TAOK3: variants seen among roughly 807,000 people sequenced by gnomAD.
TAOK3 encodes the protein serine/threonine-protein kinase TAO3.
In TAOK3, 40 loss-of-function variants were observed where a neutral mutation model predicts 120.4. That is an observed-to-expected ratio of 0.33 (90% CI 0.26 to 0.43). TAOK3 has a LOEUF of 0.43. Among genes scored for constraint, TAOK3 ranks in the 20% least tolerant of loss-of-function variants. TAOK3 has a pLI of 1.00. For missense variants in TAOK3, 821 were observed against 1,112.1 expected (o/e 0.74, Z 3.72); for synonymous variants, 355 against 387.5 (o/e 0.92, Z 0.99).
At chr12:118,249,813 C>T (rs2040671744) in intron 3 of TAOK3, among the ~76,000 whole-genome samples, 1 of 152,084 alleles carries the variant, frequency 6.6e-6, no homozygotes, top group African/African-American at 2.4e-5. Context: ...GCTTGGGTGA[C>T]AGAGTGAGAG....
chr12:118,279,843 G>A (rs1010744616), intron 1 of TAOK3, among the ~76,000 whole-genome samples: 3 of 149,882 alleles, frequency 2.0e-5, no homozygotes, highest in African/African-American at 7.4e-5. Flanking sequence ...TCCGCTTACT[G>A]CAATCTCCGT....
rs540082373 is a variant in TAOK3, at chr12:118,307,475, C to A, written c.-193-40716G>T. Among the ~76,000 whole-genome samples the A allele has an allele frequency of 7.7e-4, 118 of 152,268 alleles. 1 individual carries two copies. The highest frequency in any genetic ancestry group is 2.6e-3 in the African/African-American group (108 of 41,552). On this transcript the variant is annotated intron_variant, in intron 1 of 20. Coordinates refer to ENST00000392533, the MANE Select transcript of TAOK3 (RefSeq NM_016281.4). ...CACATTTAGTTAGTTTCTTGACCTGCTGCCTTTGTTTTAAACAGGAATGAA... is the reference window on the plus strand; with the variant it reads ...CACATTTAGTTAGTTTCTTGACCTGATGCCTTTGTTTTAAACAGGAATGAA...
chr12:118,244,165 C>G (rs909295742), intron 4 of TAOK3, among the ~76,000 whole-genome samples: 18 of 152,290 alleles, frequency 1.2e-4, no homozygotes, highest in Non-Finnish European at 2.4e-4. Flanking sequence ...CAGGCTCAAG[C>G]AATCTTCCCA....
intron 1 of TAOK3, among the ~76,000 whole-genome samples, chr12:118,304,459 C>T (rs1293570285): frequency 6.6e-6 from 1 of 152,180 alleles, no homozygotes; most frequent in African/African-American, 2.4e-5. Context: ...ATTACCTCTT[C>T]CTAGACTTCT....
chr12:118,201,807 C>T (rs1279339588), intron 11 of TAOK3, among the ~76,000 whole-genome samples: 2 of 151,982 alleles, frequency 1.3e-5, no homozygotes, highest in Admixed American at 6.6e-5. Flanking sequence ...CATATAGTTA[C>T]TTCTTGGTGG....
At chr12:118,217,809 GTGTATACA>G (rs1256501959) in intron 9 of TAOK3, among the ~76,000 whole-genome samples, 1 of 76,294 alleles carries the variant, frequency 1.3e-5, no homozygotes, top group African/African-American at 5.6e-5. Context: ...GTGTGTGTGT[GTGTATACA>G]TATATATATA....
intron 9 of TAOK3, among the ~76,000 whole-genome samples, chr12:118,230,340 T>C (rs1358478397): frequency 6.6e-6 from 1 of 152,046 alleles, no homozygotes. Flanking sequence ...AACAATACCA[T>C]ATGGATTTAA....
chr12:118,321,452 G>A (rs2043702292), intron 1 of TAOK3, among the ~76,000 whole-genome samples: 1 of 152,140 alleles, frequency 6.6e-6, no homozygotes, highest in African/African-American at 2.4e-5. Context: ...GTAGAATGGA[G>A]TTTTGCCATG....
intron 8 of TAOK3, among the ~76,000 whole-genome samples, chr12:118,235,194 T>C (rs1340383765): frequency 6.6e-6 from 1 of 152,152 alleles, no homozygotes; most frequent in African/African-American, 2.4e-5. Flanking sequence ...TCTCTGCTTG[T>C]TGGCTAGTCA....
At chr12:118,159,756 G>T in intron 19 of TAOK3, 1 of 277,516 alleles carries the variant, frequency 3.6e-6, no homozygotes, top group South Asian at 4.1e-5. Context: ...CTGTGTATCT[G>T]TCTTCCTCAC....
intron 17 of TAOK3, among the ~76,000 whole-genome samples, chr12:118,167,043 T>C (rs1403312073): frequency 2.6e-5 from 4 of 152,120 alleles, no homozygotes; most frequent in Non-Finnish European, 4.4e-5. Flanking sequence ...TGAGGTTGAG[T>C]AAAAACGAGA....
chr12:118,354,091 A>G (rs2045294577), intron 1 of TAOK3, among the ~76,000 whole-genome samples: 1 of 152,250 alleles, frequency 6.6e-6, no homozygotes, highest in South Asian at 2.1e-4. Flanking sequence ...TTCTTTATGC[A>G]GTAGTTGTCC....
intron 9 of TAOK3, among the ~76,000 whole-genome samples, chr12:118,223,230 C>A (rs1361318419): frequency 6.7e-6 from 1 of 150,218 alleles, no homozygotes; most frequent in Non-Finnish European, 1.5e-5. Context: ...GCCACCACGC[C>A]CGGCTAATTT....
chr12:118,178,940 G>A (rs2036520332), intron 15 of TAOK3, among the ~76,000 whole-genome samples: 1 of 152,168 alleles, frequency 6.6e-6, no homozygotes, highest in African/African-American at 2.4e-5. Context: ...GAGATAGAGG[G>A]GGAATTATGC....
At chr12:118,217,884 C>T (rs12319463) in intron 9 of TAOK3, among the ~76,000 whole-genome samples, 2,343 of 93,334 alleles carry the variant, frequency 0.025, 83 homozygotes, top group East Asian at 0.16. Flanking sequence ...TTTTTTGAGA[C>T]GGAGTCTCGC....
In TAOK3 at chr12:118,329,548, A is replaced by G. The variant is rs1334786695; in HGVS notation, c.-194+43100T>C. Among the ~76,000 whole-genome samples, 4 of 152,320 alleles carry G rather than the reference A, an allele frequency of 2.6e-5. No individual in the cohort carries two copies. The East Asian group carries it at 7.7e-4, about 29-fold the overall frequency. On this transcript the variant is annotated intron_variant, in intron 1 of 20. Coordinates refer to ENST00000392533, the MANE Select transcript of TAOK3 (RefSeq NM_016281.4). ...CATGAGAAAAAGGACTATATTCTGTATCAAGAGTTATCTTCCATATGTCCC... is the reference window on the plus strand; with the variant it reads ...CATGAGAAAAAGGACTATATTCTGTGTCAAGAGTTATCTTCCATATGTCCC...
At chr12:118,294,259 G>A (rs372579740) in intron 1 of TAOK3, among the ~76,000 whole-genome samples, 3 of 151,934 alleles carry the variant, frequency 2.0e-5, no homozygotes, top group Admixed American at 6.6e-5. Flanking sequence ...TTCATCCCCC[G>A]CAAACTTCCC....
chr12:118,269,551 G>C (rs547706080), intron 1 of TAOK3, among the ~76,000 whole-genome samples: 9 of 151,896 alleles, frequency 5.9e-5, no homozygotes, highest in African/African-American at 2.2e-4. Context: ...TGTATTTTTA[G>C]TAGAGATGGG....
At chr12:118,267,040 T>C (rs1218995741) in intron 1 of TAOK3, among the ~76,000 whole-genome samples, 3 of 152,196 alleles carry the variant, frequency 2.0e-5, no homozygotes, top group Non-Finnish European at 2.9e-5. Flanking sequence ...TAATGGAGAT[T>C]ACCAGTAGAC....
Sources: gnomAD v4.1 joint callset for allele counts (sites outside exome capture counted in the v4.1 genomes callset) on GRCh38, gnomAD v4.1.1 for gene constraint, MANE v1.5 for transcripts, NCBI Gene and HGNC (gene_info 2026-07-23, HGNC 2026-07-21) for gene names.